MACO1: variants seen among roughly 807,000 people sequenced by gnomAD.
The protein encoded by MACO1 is macoilin 1.
MACO1 carries 14 observed loss-of-function variants against 78.7 expected under a neutral mutation model. The ratio of observed to expected loss-of-function variants is 0.18; its 90% CI spans 0.12 to 0.28. The LOEUF (loss-of-function observed/expected upper bound fraction) is 0.28, where lower values mean the gene tolerates loss of function less well. MACO1 is among the 10% of genes least tolerant of loss of function. The pLI is 1.00. For synonymous variants in MACO1, 288 were observed against 291.6 expected, an observed-to-expected ratio of 0.99 and a Z score of 0.12; for missense variants, 501 against 799.0, an observed-to-expected ratio of 0.63 and a Z score of 4.50.
chr1:25,440,403 G>T (rs1280323246), intron 1 of MACO1, among the ~76,000 whole-genome samples: 2 of 132,580 alleles, frequency 1.5e-5, no homozygotes, highest in East Asian at 2.0e-4. Context: ...CCCCAGTTCT[G>T]GGAAAAAAAA....
Position 25,454,397 on chromosome 1 carries a change from A to AAT in MACO1, c.473+16_473+17dup. 2 of 1,453,518 alleles carry AAT rather than the reference A, an allele frequency of 1.4e-6. No individual in the cohort carries two copies. The highest frequency in any genetic ancestry group is 1.9e-6 in the Non-Finnish European group (2 of 1,077,128). The allele number at this position is 1,453,518 out of a possible 1,614,324, so 90.0% of individuals were successfully genotyped here. A position where few individuals can be genotyped will look rare whatever the true frequency, so the allele number is the denominator to read the frequency against. On this transcript the variant is annotated intron_variant, in intron 4 of 10. Transcript: ENST00000374343. ...GCTGCTCACTGGTAAGTATTACATA[A>AAT]ATGTATGTGTGTGTGTGTGTATATG...
At chr1:25,442,679 A>G (rs1434148976) in intron 1 of MACO1, among the ~76,000 whole-genome samples, 2 of 149,672 alleles carry the variant, frequency 1.3e-5, no homozygotes, top group African/African-American at 5.0e-5. Flanking sequence ...TGAGGTAAAA[A>G]AATGGTTGTA....
intron 3 of MACO1, among the ~76,000 whole-genome samples, chr1:25,452,612 T>G (rs2043076853): frequency 6.6e-6 from 1 of 152,230 alleles, no homozygotes; most frequent in Admixed American, 6.5e-5. Flanking sequence ...ACATATTTCA[T>G]TATATAGATT....
chr1:25,446,329 G>C (rs749349516), intron 1 of MACO1, among the ~76,000 whole-genome samples: 27 of 152,156 alleles, frequency 1.8e-4, no homozygotes, highest in Admixed American at 8.5e-4. Flanking sequence ...TGTGCGTCAA[G>C]AATTTCAAAG....
At chr1:25,497,912 C>G (rs2043552143) in intron 10 of MACO1, among the ~76,000 whole-genome samples, 1 of 152,198 alleles carries the variant, frequency 6.6e-6, no homozygotes, top group Non-Finnish European at 1.5e-5. Flanking sequence ...ATCAACCACA[C>G]CTATATGAAC....
In MACO1 at chr1:25,485,688, G is replaced by A; in HGVS notation, c.1389G>A (p.Glu463=). 1.2e-6 allele frequency: 2 copies of A among 1,614,176 alleles called. No homozygotes were observed. The highest frequency in any genetic ancestry group is 1.1e-5 in the South Asian group (1 of 91,088). Residue 463 remains glutamate, a synonymous_variant, in exon 8 of 11, where the codon GAG becomes GAA. Coordinates refer to ENST00000374343, the MANE Select transcript of MACO1 (RefSeq NM_018202.6). This position sits in a 1 kb window ranked among gnomAD's most constrained non-coding sequence, Gnocchi z 4.3. The part of the protein sequence containing the change: ...ISQLEKKLKA[E]QEARSFVEKQ... ...AGTTGGAGAAAAAGCTAAAAGCTGA[G>A]CAGGAAGCCCGAAGTTTTGTAGAGA...
At chr1:25,481,263 C>T (rs1417464115) in intron 6 of MACO1, among the ~76,000 whole-genome samples, 1 of 152,060 alleles carries the variant, frequency 6.6e-6, no homozygotes, top group Non-Finnish European at 1.5e-5. Flanking sequence ...GATTCCTGTG[C>T]ATCTGCATAT....
At chr1:25,451,918 C>A (rs2043069947) in intron 3 of MACO1, among the ~76,000 whole-genome samples, 1 of 141,956 alleles carries the variant, frequency 7.0e-6, no homozygotes, top group African/African-American at 2.6e-5. Context: ...GGCGACAGAG[C>A]GAGACTCTGT....
chr1:25,455,891 A>T (rs990182711), intron 4 of MACO1, among the ~76,000 whole-genome samples: 3 of 151,942 alleles, frequency 2.0e-5, no homozygotes, highest in Non-Finnish European at 4.4e-5. Flanking sequence ...AAATCAAATG[A>T]TGTCCTTGTG....
intron 3 of MACO1, among the ~76,000 whole-genome samples, chr1:25,453,249 C>T (rs1440529608): frequency 6.6e-6 from 1 of 151,530 alleles, no homozygotes. Flanking sequence ...AGGTGATCCG[C>T]CCTCCTCGGC....
At chr1:25,452,632 C>T (rs1255153264) in intron 3 of MACO1, among the ~76,000 whole-genome samples, 1 of 151,930 alleles carries the variant, frequency 6.6e-6, no homozygotes. Flanking sequence ...TTATCATAAA[C>T]AGTTTCCTGT....
intron 6 of MACO1, among the ~76,000 whole-genome samples, chr1:25,468,896 T>A (rs1349341814): frequency 6.6e-6 from 1 of 152,214 alleles, no homozygotes; most frequent in Non-Finnish European, 1.5e-5. Flanking sequence ...TCGCCCAGGC[T>A]GAAGTGCAGT....
intron 6 of MACO1, among the ~76,000 whole-genome samples, chr1:25,463,002 T>C (rs1571969647): frequency 6.6e-6 from 1 of 152,208 alleles, no homozygotes; most frequent in East Asian, 1.9e-4. Flanking sequence ...CAGGGCTGAA[T>C]AGCTGCCACA....
intron 6 of MACO1, among the ~76,000 whole-genome samples, chr1:25,469,956 T>C (rs1257748258): frequency 6.6e-6 from 1 of 152,148 alleles, no homozygotes; most frequent in Non-Finnish European, 1.5e-5. Flanking sequence ...CTCCTTGGTG[T>C]ATTTGGTCTT....
At chr1:25,496,283 G>A (rs1251976278) in intron 10 of MACO1, among the ~76,000 whole-genome samples, 1 of 151,990 alleles carries the variant, frequency 6.6e-6, no homozygotes, top group African/African-American at 2.4e-5. Flanking sequence ...GAATAGCTAG[G>A]ATTACAGGTG....
chr1:25,432,736 G>A (rs993485861), intron 1 of MACO1, among the ~76,000 whole-genome samples: 2 of 152,194 alleles, frequency 1.3e-5, no homozygotes, highest in African/African-American at 4.8e-5. Context: ...ATATTAAACC[G>A]AGTTGGTAGA....
Position 25,500,081 on chromosome 1 carries a change from T to G in MACO1, c.*1615T>G, listed in dbSNP as rs2043573343. The G allele has an allele frequency of 6.6e-6, 1 of 152,256 alleles. No individual in the cohort carries two copies. The highest frequency in any genetic ancestry group is 1.5e-5 in the Non-Finnish European group (1 of 68,048). The allele number at this position is 152,256 out of a possible 1,614,324, so 9.4% of individuals were successfully genotyped here. The stretch of plus-strand genomic sequence containing the variant: ...GTGCAAAAACATGGAAAATTGTCAC[T>G]GACTTTGTTTTGAGGTTTCCCCCAT... On this transcript the variant is annotated 3_prime_UTR_variant, in exon 11 of 11. Transcript: ENST00000374343.
chr1:25,466,685 G>C (rs1340095813), intron 6 of MACO1, among the ~76,000 whole-genome samples: 3 of 152,088 alleles, frequency 2.0e-5, no homozygotes, highest in Non-Finnish European at 4.4e-5. Context: ...GTATATTTTC[G>C]ATAATAGTCC....
intron 10 of MACO1, among the ~76,000 whole-genome samples, chr1:25,493,324 G>A (rs189197782): frequency 5.3e-5 from 8 of 151,426 alleles, no homozygotes; most frequent in African/African-American, 1.5e-4. Flanking sequence ...CTGCAGCCTC[G>A]ACCTTCTGGG....
Sources: allele counts gnomAD v4.1 joint callset (sites outside exome capture counted in the v4.1 genomes callset), GRCh38; gene constraint gnomAD v4.1.1; non-coding constraint Gnocchi (gnomAD v3.1); transcripts MANE v1.5; gene names NCBI Gene and HGNC (gene_info 2026-07-23, HGNC 2026-07-21).